SCN9A: variants seen among roughly 807,000 people sequenced by gnomAD.
The protein encoded by SCN9A is sodium channel protein type 9 subunit alpha.
SCN9A carries 131 observed loss-of-function variants against 187.0 expected under a neutral mutation model. The observed-to-expected ratio is 0.70, with a 90% CI of 0.61 to 0.81. The LOEUF is 0.81. SCN9A is among the 30% of genes least tolerant of loss of function. The pLI is 0.00. For missense variants in SCN9A, 2,252 were observed against 2,396.6 expected, an observed-to-expected ratio of 0.94 and a Z score of 1.26; for synonymous variants, 809 against 808.6, an observed-to-expected ratio of 1.00 and a Z score of -0.01.
At chr2:166,254,316 CAG>C (rs938334142) in intron 17 of SCN9A, among the ~76,000 whole-genome samples, 2 of 151,448 alleles carry the variant, frequency 1.3e-5, no homozygotes, top group Non-Finnish European at 3.0e-5. Flanking sequence ...AGTATTCAAA[CAG>C]TAACTATTTC....
At position 166,375,678 on chromosome 2, in the gene SCN9A, C is replaced by G. The variant is rs555645605; in HGVS notation, c.-51+19G>C. Reference sequence around the variant, plus strand: ...TCTCCTCCCCTCCCCACAGAAGCAGCAAAAGAAAAGGCACTTACTTGCAAC... The same window carrying G: ...TCTCCTCCCCTCCCCACAGAAGCAGGAAAAGAAAAGGCACTTACTTGCAAC... On this transcript the variant is annotated intron_variant, in intron 1 of 26. Transcript: ENST00000642356. The G allele has an allele frequency of 6.6e-6, 1 of 152,416 alleles. No homozygotes were observed. The highest frequency in any genetic ancestry group is 1.5e-5 in the Non-Finnish European group (1 of 68,216). The allele number at this position is 152,416 out of a possible 1,614,324, so 9.4% of individuals were successfully genotyped here.
At chr2:166,328,040 G>A (rs1699407051) in intron 1 of SCN9A, among the ~76,000 whole-genome samples, 2 of 152,118 alleles carry the variant, frequency 1.3e-5, no homozygotes, top group South Asian at 4.1e-4. Context: ...AATCCTACAA[G>A]CAGTGTATCT....
intron 19 of SCN9A, among the ~76,000 whole-genome samples, chr2:166,241,340 T>C (rs1695557869): frequency 6.6e-6 from 1 of 152,142 alleles, no homozygotes; most frequent in Non-Finnish European, 1.5e-5. Flanking sequence ...GTAATTCTAC[T>C]AGATCTCTTT....
At chr2:166,202,936 T>C (rs1192487070) in intron 26 of SCN9A, among the ~76,000 whole-genome samples, 1 of 151,830 alleles carries the variant, frequency 6.6e-6, no homozygotes, top group Non-Finnish European at 1.5e-5. Flanking sequence ...TTTTTATATA[T>C]GTACCTCTCT....
intron 17 of SCN9A, among the ~76,000 whole-genome samples, chr2:166,255,441 G>A (rs1696225004): frequency 6.7e-6 from 1 of 150,066 alleles, no homozygotes; most frequent in African/African-American, 2.4e-5. Context: ...AAACATTAAC[G>A]ATGTAAGCCT....
chr2:166,299,614 T>C (rs10803809), intron 7 of SCN9A, among the ~76,000 whole-genome samples: 59,006 of 149,990 alleles, frequency 0.39, 12,506 homozygotes, highest in African/African-American at 0.42. Context: ...TAGATCTTGG[T>C]ACCAGATTGC....
chr2:166,203,844 T>A, intron 26 of SCN9A, 111 bp downstream of exon 26: 1 of 676,750 alleles, frequency 1.5e-6, no homozygotes, highest in Non-Finnish European at 2.5e-6. Flanking sequence ...TTCATTGTAC[T>A]GACTTACTCA....
intron 1 of SCN9A, among the ~76,000 whole-genome samples, chr2:166,316,282 T>C (rs371207844): frequency 2.6e-5 from 4 of 152,128 alleles, no homozygotes; most frequent in East Asian, 3.9e-4. Context: ...AATATTAAAA[T>C]AAACATGGGG....
chr2:166,309,604 T>C (rs889456186), intron 2 of SCN9A, among the ~76,000 whole-genome samples: 37 of 151,760 alleles, frequency 2.4e-4, no homozygotes, highest in Admixed American at 7.2e-4. Context: ...TAAAAGAGGA[T>C]ACAAACAAAT....
At chr2:166,276,730 A>G (rs961533778) in intron 16 of SCN9A, 1 of 226,224 alleles carries the variant, frequency 4.4e-6, no homozygotes, top group East Asian at 9.6e-5. Context: ...AATTAGAGAA[A>G]AAGATAGAAA....
At chr2:166,222,956 A>AAAC (rs1694675784) in intron 24 of SCN9A, among the ~76,000 whole-genome samples, 1 of 145,000 alleles carries the variant, frequency 6.9e-6, no homozygotes, top group Non-Finnish European at 1.5e-5. Context: ...AAAAAAAAAA[A>AAAC]AAAAAAAAAA....
chr2:166,250,982 A>G (rs1179379305), intron 18 of SCN9A, among the ~76,000 whole-genome samples: 1 of 151,556 alleles, frequency 6.6e-6, no homozygotes, highest in African/African-American at 2.4e-5. Flanking sequence ...ACCATACTAA[A>G]GTTTTGTTTT....
intron 24 of SCN9A, among the ~76,000 whole-genome samples, chr2:166,225,260 G>A (rs191031031): frequency 2.2e-4 from 33 of 152,028 alleles, no homozygotes; most frequent in South Asian, 6.2e-4. Context: ...TTGCCTCTCC[G>A]TTGCTACATG....
intron 24 of SCN9A, among the ~76,000 whole-genome samples, chr2:166,210,279 G>C (rs1313766594): frequency 1.3e-5 from 2 of 152,008 alleles, no homozygotes; most frequent in African/African-American, 2.4e-5. Flanking sequence ...ACACAGGAAG[G>C]GGACCATCAC....
At chr2:166,281,602 T>A in intron 13 of SCN9A, 77 bp downstream of exon 13, 1 of 1,340,854 alleles carries the variant, frequency 7.5e-7, no homozygotes, top group South Asian at 1.4e-5. Flanking sequence ...AAGAATTTCA[T>A]GTGCCTATTT....
rs192685721 is a variant in SCN9A, at chr2:166,270,808, C to T, written c.3351+1591G>A. Among the ~76,000 whole-genome samples the T allele has an allele frequency of 1.9e-4, 28 of 150,412 alleles. No individual in the cohort carries two copies. The East Asian group carries it at 4.9e-3, about 26-fold the overall frequency. On this transcript the variant is annotated intron_variant, in intron 17 of 26. Transcript: ENST00000642356. ...CAGTCATGATTATTCCATATAATCT[C>T]GTTTTCCAAGTCCACTATAAATTCA...
chr2:166,212,744 T>A (rs7582791), intron 24 of SCN9A, among the ~76,000 whole-genome samples: 147,389 of 152,304 alleles, frequency 0.97, 71,325 homozygotes, highest in East Asian at 1. Context: ...TCATGAAGTT[T>A]GTTTTGACAA....
intron 17 of SCN9A, among the ~76,000 whole-genome samples, chr2:166,260,419 T>A (rs1029366499): frequency 1.3e-5 from 2 of 151,928 alleles, no homozygotes; most frequent in African/African-American, 4.8e-5. Context: ...CTGTAAGGTC[T>A]GGTCTAAGTG....
At chr2:166,254,411 A>T (rs1189378591) in intron 17 of SCN9A, among the ~76,000 whole-genome samples, 1 of 151,500 alleles carries the variant, frequency 6.6e-6, no homozygotes, top group African/African-American at 2.4e-5. Flanking sequence ...TGAAATCTAT[A>T]CTTGCTACAG....
Sources: gnomAD v4.1 joint callset for allele counts (sites outside exome capture counted in the v4.1 genomes callset) on GRCh38, gnomAD v4.1.1 for gene constraint, MANE v1.5 for transcripts, NCBI Gene and HGNC (gene_info 2026-07-23, HGNC 2026-07-21) for gene names.